Variants in UNC13C observed in about 807,000 individuals in gnomAD.
The protein encoded by UNC13C is protein unc-13 homolog C.
A neutral mutation model predicts 245.4 loss-of-function variants in UNC13C; 174 were observed. That is an observed-to-expected ratio of 0.71 (90% CI 0.63 to 0.80). UNC13C has a LOEUF of 0.80. UNC13C is among the 30% of genes least tolerant of loss of function. The pLI, the probability that UNC13C is intolerant of heterozygous loss-of-function variation, is 0.00. For synonymous variants in UNC13C, 992 were observed against 895.1 expected (o/e 1.11, Z -1.93); for missense variants, 2,829 against 2,602.9 (o/e 1.09, Z -1.89).
At chr15:53,896,506 A>T in the UNC13C span, among the ~76,000 whole-genome samples, 2 of 152,158 alleles carry the variant, frequency 1.3e-5, no homozygotes, top group Admixed American at 6.5e-5. Flanking sequence ...TATGAGTATT[A>T]TTACAATATT....
At chr15:54,289,835 G>A (rs1298491130) in intron 10 of UNC13C, among the ~76,000 whole-genome samples, 1 of 151,984 alleles carries the variant, frequency 6.6e-6, no homozygotes, top group Non-Finnish European at 1.5e-5. Context: ...CATGATATGG[G>A]CACTGTACAC....
intron 26 of UNC13C, among the ~76,000 whole-genome samples, chr15:54,535,113 T>C (rs1322819213): frequency 6.6e-6 from 1 of 152,084 alleles, no homozygotes. Flanking sequence ...CAGGAAGCTG[T>C]CTTTAAGAGA....
intron 25 of UNC13C, among the ~76,000 whole-genome samples, chr15:54,530,875 A>G (rs1016386285): frequency 5.3e-5 from 8 of 151,562 alleles, no homozygotes; most frequent in Admixed American, 3.9e-4. Context: ...TCAGTCTGTC[A>G]AATACAACTA....
At chr15:54,211,168 T>C (rs2034867471) in intron 4 of UNC13C, among the ~76,000 whole-genome samples, 1 of 152,156 alleles carries the variant, frequency 6.6e-6, no homozygotes, top group Non-Finnish European at 1.5e-5. Flanking sequence ...GTCATCACTG[T>C]AAATTACGCA....
intron 13 of UNC13C, among the ~76,000 whole-genome samples, chr15:54,302,661 G>C (rs1454908693): frequency 5.9e-5 from 9 of 152,182 alleles, no homozygotes; most frequent in East Asian, 1.9e-4. Context: ...TATCTGTGTT[G>C]GTACCAGTAC....
chr15:54,513,837 CTTTTCTGTGA>C (rs1205031594), intron 24 of UNC13C, among the ~76,000 whole-genome samples: 1 of 151,970 alleles, frequency 6.6e-6, no homozygotes, highest in Non-Finnish European at 1.5e-5. Flanking sequence ...TCTCTTTACC[CTTTTCTGTGA>C]TTTTCTGTTT....
chr15:53,976,457 T>TC (rs1379028043), upstream of UNC13C, among the ~76,000 whole-genome samples: 8 of 101,010 alleles, frequency 7.9e-5, 1 homozygote, highest in Admixed American at 1.3e-4. Context: ...TTTTTCTTCT[T>TC]TCTCTCTCTC....
chr15:54,029,588 ATAAT>A (rs1207898172), intron 2 of UNC13C, among the ~76,000 whole-genome samples: 2 of 152,240 alleles, frequency 1.3e-5, no homozygotes, highest in African/African-American at 2.4e-5. Flanking sequence ...AAATAACTGG[ATAAT>A]TAATGACATT....
intron 10 of UNC13C, among the ~76,000 whole-genome samples, chr15:54,268,240 C>T (rs2036597644): frequency 6.6e-6 from 1 of 151,950 alleles, no homozygotes; most frequent in South Asian, 2.1e-4. Flanking sequence ...GTCTAACCTG[C>T]TAAAATCTAA....
intron 19 of UNC13C, among the ~76,000 whole-genome samples, chr15:54,480,752 C>T (rs767259294): frequency 2.0e-5 from 3 of 152,022 alleles, no homozygotes; most frequent in Non-Finnish European, 2.9e-5. Flanking sequence ...TATCGTGTTG[C>T]TTTGCAGGTG....
chr15:54,473,519 T>G (rs895054807), intron 19 of UNC13C, among the ~76,000 whole-genome samples: 15 of 151,798 alleles, frequency 9.9e-5, no homozygotes, highest in Non-Finnish European at 1.0e-4. Flanking sequence ...CCTCTACCCT[T>G]CTCAGCCTCT....
chr15:53,893,254 T>C, the UNC13C span, among the ~76,000 whole-genome samples: 1 of 152,194 alleles, frequency 6.6e-6, no homozygotes, highest in East Asian at 1.9e-4. Flanking sequence ...ACCTGCTAGA[T>C]GCCTGCCAGA....
chr15:54,395,761 G>C (rs1567237080), intron 18 of UNC13C, among the ~76,000 whole-genome samples: 1 of 151,760 alleles, frequency 6.6e-6, no homozygotes, highest in Non-Finnish European at 1.5e-5. Flanking sequence ...TTGATAACAA[G>C]TTTACAGTGA....
chr15:54,294,732 T>C (rs1328404882), intron 11 of UNC13C, among the ~76,000 whole-genome samples: 1 of 152,194 alleles, frequency 6.6e-6, no homozygotes, highest in Admixed American at 6.5e-5. Context: ...AGGCACGATC[T>C]GAAGATGTCT....
At chr15:54,435,114 G>A (rs1289638703) in intron 19 of UNC13C, among the ~76,000 whole-genome samples, 1 of 152,044 alleles carries the variant, frequency 6.6e-6, no homozygotes, top group African/African-American at 2.4e-5. Context: ...AAATAGGAAT[G>A]CTTTTACACT....
chr15:53,953,041 T>A, the UNC13C span, among the ~76,000 whole-genome samples: 1 of 152,186 alleles, frequency 6.6e-6, no homozygotes, highest in Non-Finnish European at 1.5e-5. Flanking sequence ...GAAATAGATA[T>A]GAATAAGTTG....
chr15:54,022,370 C>T (rs572121231), intron 2 of UNC13C, among the ~76,000 whole-genome samples: 195 of 152,042 alleles, frequency 1.3e-3, no homozygotes, highest in African/African-American at 4.3e-3. Context: ...AGTACCTTGA[C>T]GATCATGGCT....
chr15:54,478,945 T>A (rs1892935803), intron 19 of UNC13C, among the ~76,000 whole-genome samples: 1 of 152,084 alleles, frequency 6.6e-6, no homozygotes, highest in Non-Finnish European at 1.5e-5. Flanking sequence ...TGTGGGAGTC[T>A]AAGTCTCTTT....
intron 2 of UNC13C, among the ~76,000 whole-genome samples, chr15:54,045,049 C>T (rs1005893995): frequency 1.3e-5 from 2 of 151,848 alleles, no homozygotes; most frequent in Non-Finnish European, 2.9e-5. Flanking sequence ...TTGATGGCGT[C>T]CTTTGAAACA....
Sources: allele counts gnomAD v4.1 joint callset (sites outside exome capture counted in the v4.1 genomes callset), GRCh38; gene constraint gnomAD v4.1.1; transcripts MANE v1.5; gene names NCBI Gene and HGNC (gene_info 2026-07-23, HGNC 2026-07-21).